The following CNBD1 variants were observed in gnomAD, a reference collection of about 807,000 sequenced individuals.
CNBD1 encodes cyclic nucleotide-binding domain-containing protein 1.
CNBD1 carries 71 observed loss-of-function variants against 54.4 expected under a neutral mutation model. That is an observed-to-expected ratio of 1.30 (90% CI 1.08 to 1.59). CNBD1 has a LOEUF of 1.59. Among genes scored for constraint, CNBD1 ranks in the 40% most tolerant of loss-of-function variants. The pLI, the probability that CNBD1 is intolerant of heterozygous loss-of-function variation, is 0.00. For synonymous variants in CNBD1, 182 were observed against 170.7 expected, an observed-to-expected ratio of 1.07 and a Z score of -0.51; for missense variants, 659 against 518.0, an observed-to-expected ratio of 1.27 and a Z score of -2.64.
chr8:87,328,757 A>T (rs1373854291), intron 8 of CNBD1, among the ~76,000 whole-genome samples: 4 of 151,992 alleles, frequency 2.6e-5, no homozygotes, highest in Non-Finnish European at 5.9e-5. Flanking sequence ...CTTTTTATTT[A>T]TTTATGCCCT....
At chr8:87,117,970 GACAATAATAA>G (rs1811808365) in intron 4 of CNBD1, among the ~76,000 whole-genome samples, 1 of 152,020 alleles carries the variant, frequency 6.6e-6, no homozygotes, top group Non-Finnish European at 1.5e-5. Context: ...CTGGGGTAAA[GACAATAATAA>G]ACCATAAAAT....
intron 6 of CNBD1, among the ~76,000 whole-genome samples, chr8:87,283,392 AT>A (rs1024528217): frequency 4.0e-5 from 6 of 151,372 alleles, no homozygotes; most frequent in African/African-American, 1.2e-4. Flanking sequence ...GTGGCTTGTA[AT>A]TTTTTTTATT....
At chr8:87,402,394 A>C (rs1807580073) in intron 2 of CNBD1, among the ~76,000 whole-genome samples, 1 of 152,046 alleles carries the variant, frequency 6.6e-6, no homozygotes, top group African/African-American at 2.4e-5. Context: ...TGAGCAATCA[A>C]CTTAAGAAAC....
intron 4 of CNBD1, among the ~76,000 whole-genome samples, chr8:87,196,784 G>A (rs533027975): frequency 2.0e-5 from 3 of 152,262 alleles, no homozygotes; most frequent in African/African-American, 4.8e-5. Flanking sequence ...GAGAAGAAAC[G>A]ACAACCTGAA....
chr8:87,046,802 A>G (rs1810203071), intron 4 of CNBD1, among the ~76,000 whole-genome samples: 1 of 152,162 alleles, frequency 6.6e-6, no homozygotes, highest in Non-Finnish European at 1.5e-5. Context: ...CCTGACCAGT[A>G]TCTCAGTTGA....
At chr8:87,304,543 G>A (rs916011695) in intron 8 of CNBD1, among the ~76,000 whole-genome samples, 2 of 152,142 alleles carry the variant, frequency 1.3e-5, no homozygotes, top group East Asian at 3.9e-4. Flanking sequence ...GTTAAGTGAT[G>A]AGTTAATGGG....
intron 4 of CNBD1, among the ~76,000 whole-genome samples, chr8:87,061,353 A>AACAGCAGATTCCATAATAAT: frequency 6.6e-6 from 1 of 152,212 alleles, no homozygotes; most frequent in Non-Finnish European, 1.5e-5. Flanking sequence ...GAAGTGCATT[A>AACAGCAGATTCCATAATAAT]ACAGCAGATT....
intron 4 of CNBD1, among the ~76,000 whole-genome samples, chr8:87,093,927 CT>C (rs1811266707): frequency 6.6e-6 from 1 of 152,176 alleles, no homozygotes; most frequent in East Asian, 1.9e-4. Flanking sequence ...TGTTTAAAAT[CT>C]CTGTTCCTTT....
chr8:87,226,301 C>T (rs1351646359), intron 5 of CNBD1, among the ~76,000 whole-genome samples: 5 of 150,484 alleles, frequency 3.3e-5, no homozygotes, highest in Admixed American at 1.3e-4. Flanking sequence ...TGTGTTTGCT[C>T]GTGCTTTTCT....
At chr8:87,120,103 G>A (rs986551192) in intron 4 of CNBD1, among the ~76,000 whole-genome samples, 2 of 152,016 alleles carry the variant, frequency 1.3e-5, no homozygotes, top group African/African-American at 2.4e-5. Flanking sequence ...AAATGAGTTA[G>A]GGAAAATTAC....
intron 6 of CNBD1, among the ~76,000 whole-genome samples, chr8:87,256,201 T>G (rs547938777): frequency 6.7e-6 from 1 of 150,166 alleles, no homozygotes; most frequent in South Asian, 2.1e-4. Context: ...TTTTGTATTT[T>G]TAGTAGAGAT....
chr8:87,345,390 TG>T (rs1810151129), intron 8 of CNBD1, among the ~76,000 whole-genome samples: 2 of 152,206 alleles, frequency 1.3e-5, no homozygotes, highest in African/African-American at 4.8e-5. Flanking sequence ...CATTTGGTAC[TG>T]CTATCTAAAT....
Position 87,256,007 on chromosome 8 carries a change from A to T in CNBD1, c.771+18895A>T, listed in dbSNP as rs1300078088. On this transcript the variant is annotated intron_variant, in intron 6 of 10. Coordinates refer to ENST00000518476, the MANE Select transcript of CNBD1 (RefSeq NM_173538.3). The stretch of plus-strand genomic sequence containing the variant: ...TATATATATATATATATATATATAT[A>T]TATATATATTTTTTTTTTTTTTTTT... Among the ~76,000 whole-genome samples the T allele has an allele frequency of 9.6e-4, 19 of 19,790 alleles. 2 individuals carry two copies. Among genetic ancestry groups the T allele is most frequent in the African/African-American group, 2.2e-3 (8 of 3,712 alleles). 13.0% of individuals were successfully genotyped at this position (19,790 alleles called of 152,430 possible).
intron 6 of CNBD1, among the ~76,000 whole-genome samples, chr8:87,242,889 T>G (rs1807734349): frequency 6.6e-6 from 1 of 152,252 alleles, no homozygotes; most frequent in African/African-American, 2.4e-5. Context: ...AAAATATTCT[T>G]TATTTTCTTG....
chr8:87,411,687 T>A (rs927537661), intron 2 of CNBD1, among the ~76,000 whole-genome samples: 2 of 150,776 alleles, frequency 1.3e-5, no homozygotes, highest in Non-Finnish European at 3.0e-5. Context: ...ATTACTATAA[T>A]AATTGTATTA....
intron 10 of CNBD1, among the ~76,000 whole-genome samples, chr8:87,362,948 G>T (rs561317897): frequency 6.6e-6 from 1 of 151,814 alleles, no homozygotes; most frequent in South Asian, 2.1e-4. Flanking sequence ...GTGGTTTGCT[G>T]TACCCATCAA....
At chr8:87,177,280 T>C (rs536695342) in intron 4 of CNBD1, among the ~76,000 whole-genome samples, 4 of 152,150 alleles carry the variant, frequency 2.6e-5, no homozygotes, top group Non-Finnish European at 4.4e-5. Flanking sequence ...CCAATTGCAA[T>C]TGTATAGATA....
intron 8 of CNBD1, among the ~76,000 whole-genome samples, chr8:87,301,890 G>A (rs965938422): frequency 1.4e-4 from 21 of 152,158 alleles, no homozygotes; most frequent in Non-Finnish European, 8.8e-5. Flanking sequence ...AAATCTAGAA[G>A]AAATGGATAA....
At chr8:87,157,533 G>T (rs140575068) in intron 4 of CNBD1, among the ~76,000 whole-genome samples, 25 of 152,276 alleles carry the variant, frequency 1.6e-4, no homozygotes, top group African/African-American at 5.3e-4. Context: ...GACACATTTG[G>T]TATTCTTTTG....
Sources: gnomAD v4.1 joint callset for allele counts (sites outside exome capture counted in the v4.1 genomes callset) on GRCh38, gnomAD v4.1.1 for gene constraint, MANE v1.5 for transcripts, NCBI Gene and HGNC (gene_info 2026-07-23, HGNC 2026-07-21) for gene names.